The following MKX variants were observed in gnomAD, a reference collection of about 807,000 sequenced individuals.
MKX encodes mohawk homeobox, also known as homeobox protein Mohawk.
A neutral mutation model predicts 36.0 loss-of-function variants in MKX; 13 were observed. The observed-to-expected ratio is 0.36, with a 90% confidence interval of 0.24 to 0.57. MKX has a LOEUF of 0.57. MKX is among the 20% of genes least tolerant of loss of function. The pLI is 0.79. For missense variants in MKX, 458 were observed against 456.4 expected (o/e 1.00, Z -0.03); for synonymous variants, 176 against 178.3 (o/e 0.99, Z 0.10).
intron 5 of MKX, among the ~76,000 whole-genome samples, chr10:27,682,687 A>G (rs929569442): frequency 9.2e-5 from 14 of 152,206 alleles, no homozygotes; most frequent in African/African-American, 3.1e-4. Context: ...TTCTCAAAAG[A>G]AGCGCACAAC....
chr10:27,735,136 G>A (rs938127554), intron 4 of MKX, 85 bp downstream of exon 4: 8 of 1,318,322 alleles, frequency 6.1e-6, no homozygotes, highest in Non-Finnish European at 8.1e-6. Context: ...ATCATATTTT[G>A]TGAGAGCAAC....
intron 5 of MKX, chr10:27,718,489 A>G (rs1589681955): frequency 5.0e-5 from 17 of 342,646 alleles, no homozygotes; most frequent in South Asian, 3.7e-4. Context: ...CCATTAATCA[A>G]TAATTTTGCT....
At chr10:27,692,444 C>T (rs1836471420) in intron 5 of MKX, among the ~76,000 whole-genome samples, 1 of 152,066 alleles carries the variant, frequency 6.6e-6, no homozygotes, top group South Asian at 2.1e-4. Flanking sequence ...TGCAAATCAC[C>T]CTCCTTCTTC....
chr10:27,685,443 ATTTTTTT>A (rs529959736), intron 5 of MKX, among the ~76,000 whole-genome samples: 10 of 112,822 alleles, frequency 8.9e-5, no homozygotes, highest in Admixed American at 1.8e-4. Flanking sequence ...CAGCAGAGTG[ATTTTTTT>A]TTTTTTTTTT....
intron 5 of MKX, among the ~76,000 whole-genome samples, chr10:27,682,534 C>A (rs1168762172): frequency 5.3e-5 from 8 of 152,176 alleles, no homozygotes; most frequent in African/African-American, 1.7e-4. Context: ...ACAAGTGCAT[C>A]ATTTTTTATT....
intron 3 of MKX, among the ~76,000 whole-genome samples, chr10:27,739,357 T>C (rs1834844118): frequency 6.6e-6 from 1 of 152,136 alleles, no homozygotes; most frequent in Admixed American, 6.5e-5. Flanking sequence ...TAATAAAATT[T>C]GAAATCATTA....
At chr10:27,717,230 G>A (rs1836982317) in intron 5 of MKX, among the ~76,000 whole-genome samples, 1 of 152,168 alleles carries the variant, frequency 6.6e-6, no homozygotes, top group African/African-American at 2.4e-5. Flanking sequence ...GTGAGACCCT[G>A]AGCAGAGAAC....
chr10:27,710,968 T>C (rs575125433), intron 5 of MKX, among the ~76,000 whole-genome samples: 11 of 152,312 alleles, frequency 7.2e-5, no homozygotes, highest in African/African-American at 2.4e-4. Flanking sequence ...CAGTTTTTGT[T>C]TGTAAACATT....
chr10:27,729,721 G>A (rs1392384873), intron 5 of MKX, among the ~76,000 whole-genome samples: 1 of 152,176 alleles, frequency 6.6e-6, no homozygotes, highest in Non-Finnish European at 1.5e-5. Flanking sequence ...TTTATTTCAA[G>A]ACTTGCCTGA....
chr10:27,688,961 A>G (rs538710896), intron 5 of MKX, among the ~76,000 whole-genome samples: 113 of 152,342 alleles, frequency 7.4e-4, no homozygotes, highest in African/African-American at 2.5e-3. Context: ...AAAAATGTGC[A>G]TTCATGATCT....
chr10:27,728,328 G>A (rs1042715996), intron 5 of MKX, among the ~76,000 whole-genome samples: 5 of 152,194 alleles, frequency 3.3e-5, no homozygotes, highest in East Asian at 1.9e-4. Context: ...TGATGCCGCC[G>A]TAAGACTTTT....
intron 5 of MKX, among the ~76,000 whole-genome samples, chr10:27,715,797 A>C (rs577472110): frequency 6.6e-6 from 1 of 152,218 alleles, no homozygotes; most frequent in South Asian, 2.1e-4. Flanking sequence ...GCCATTCTCG[A>C]TTGACAGATG....
chr10:27,713,635 C>T (rs775495804), intron 5 of MKX, among the ~76,000 whole-genome samples: 1 of 152,072 alleles, frequency 6.6e-6, no homozygotes, highest in Non-Finnish European at 1.5e-5. Flanking sequence ...TTATTTTTAC[C>T]TCATAGAGTT....
At chr10:27,745,130 C>A (rs973274838) in intron 1 of MKX, among the ~76,000 whole-genome samples, 1 of 151,724 alleles carries the variant, frequency 6.6e-6, no homozygotes, top group Admixed American at 6.5e-5. Context: ...CGGCCTTCTC[C>A]GAGCCACCCC....
intron 5 of MKX, among the ~76,000 whole-genome samples, chr10:27,703,404 AAAACC>A (rs1836694561): frequency 1.9e-5 from 1 of 53,054 alleles, no homozygotes; most frequent in South Asian, 5.4e-4. Flanking sequence ...CTCAAAGTCT[AAAACC>A]ATAATATGAG....
intron 5 of MKX, among the ~76,000 whole-genome samples, chr10:27,702,798 A>G (rs1419272005): frequency 6.6e-6 from 1 of 152,210 alleles, no homozygotes. Flanking sequence ...GGCGGGGGAA[A>G]GGAAAGATTT....
intron 5 of MKX, among the ~76,000 whole-genome samples, chr10:27,682,978 G>A (rs1304731043): frequency 1.3e-5 from 2 of 149,682 alleles, no homozygotes; most frequent in Non-Finnish European, 3.0e-5. Flanking sequence ...AGCTAGACTC[G>A]GTCTCGAAAA....
intron 5 of MKX, among the ~76,000 whole-genome samples, chr10:27,689,817 C>A (rs1437419581): frequency 2.6e-5 from 4 of 152,104 alleles, no homozygotes; most frequent in African/African-American, 4.8e-5. Context: ...GACCGGTCAC[C>A]CCTACTTTTA....
chr10:27,733,107 T>C (rs571745602), intron 5 of MKX, among the ~76,000 whole-genome samples: 1 of 152,314 alleles, frequency 6.6e-6, no homozygotes, highest in South Asian at 2.1e-4. Flanking sequence ...GACCCAATTA[T>C]TATTTACAAG....
Sources: allele counts gnomAD v4.1 joint callset (sites outside exome capture counted in the v4.1 genomes callset), GRCh38; gene constraint gnomAD v4.1.1; transcripts MANE v1.5; gene names NCBI Gene and HGNC (gene_info 2026-07-23, HGNC 2026-07-21).